The following TAF3 variants were observed in gnomAD, a reference collection of about 807,000 sequenced individuals.
TAF3 encodes transcription initiation factor TFIID subunit 3.
In TAF3, 7 loss-of-function variants were observed where a neutral mutation model predicts 80.6. That is an observed-to-expected ratio of 0.09 (90% CI 0.05 to 0.16). TAF3 has a LOEUF of 0.16. TAF3 is among the 10% of genes least tolerant of loss of function. TAF3 has a pLI of 1.00. For synonymous variants in TAF3, 444 were observed against 446.1 expected (o/e 1.00, Z 0.06); for missense variants, 921 against 1,140.2 (o/e 0.81, Z 2.77).
In TAF3 at chr10:8,014,918, C is replaced by T. The variant is rs2131444707; in HGVS notation, c.*167C>T. The T allele has an allele frequency of 5.3e-6, 3 of 568,318 alleles. No individual in the cohort carries two copies. The highest frequency in any genetic ancestry group is 4.4e-5 in the South Asian group (2 of 45,904). The allele number at this position is 568,318 out of a possible 1,614,324, so 35.2% of individuals were successfully genotyped here. ...ACACCGCGCACCTGGATTGTTCACT[C>T]CCGAGCCGCCTTGGCCTGTGGCTCC... On this transcript the variant is annotated 3_prime_UTR_variant, in exon 7 of 7. Transcript: ENST00000344293.
At chr10:7,999,189 C>T (rs1831918890) in intron 4 of TAF3, among the ~76,000 whole-genome samples, 1 of 152,122 alleles carries the variant, frequency 6.6e-6, no homozygotes, top group Non-Finnish European at 1.5e-5. Context: ...GAAGTGTTCT[C>T]ACTGCAGTAG....
At chr10:7,936,215 C>G (rs1837918987) in intron 2 of TAF3, among the ~76,000 whole-genome samples, 1 of 152,170 alleles carries the variant, frequency 6.6e-6, no homozygotes, top group Non-Finnish European at 1.5e-5. Flanking sequence ...ATGAAACAAG[C>G]ACAGTAACAA....
intron 4 of TAF3, among the ~76,000 whole-genome samples, chr10:7,987,614 T>A (rs78348394): frequency 0.015 from 2,311 of 152,324 alleles, 65 homozygotes; most frequent in African/African-American, 0.052. Context: ...TGCCAAATTA[T>A]CTTCTAAAAG....
intron 2 of TAF3, among the ~76,000 whole-genome samples, chr10:7,887,873 G>A (rs1837423433): frequency 6.6e-6 from 1 of 151,796 alleles, no homozygotes; most frequent in African/African-American, 2.4e-5. Flanking sequence ...AGCATTGGAA[G>A]CTTTTCTGAG....
chr10:7,889,783 G>C (rs538469067), intron 2 of TAF3, among the ~76,000 whole-genome samples: 4 of 152,090 alleles, frequency 2.6e-5, no homozygotes, highest in African/African-American at 9.7e-5. Context: ...AGCCTGGGTG[G>C]CCTCTTAATT....
At chr10:7,870,620 A>G (rs918821809) in intron 2 of TAF3, among the ~76,000 whole-genome samples, 14 of 152,224 alleles carry the variant, frequency 9.2e-5, no homozygotes, top group Non-Finnish European at 1.6e-4. Context: ...GTAACTTGTT[A>G]AACTTCTACA....
intron 2 of TAF3, among the ~76,000 whole-genome samples, chr10:7,910,546 A>G (rs1156494483): frequency 1.3e-5 from 2 of 151,972 alleles, no homozygotes; most frequent in East Asian, 1.9e-4. Flanking sequence ...ACGCCTGGCT[A>G]ATATTTGTAT....
Position 7,824,388 on chromosome 10 carries a change from A to G in TAF3, c.237A>G (p.Glu79=). The change falls in exon 2 of 7, where the codon GAA becomes GAG. Residue 79 remains glutamate (E), a synonymous_variant. Transcript: ENST00000344293. ...AFQLMGVSLH[E]LEDYIHNIEP... Reference sequence around the variant, plus strand: ...AGCTGATGGGGGTTAGTCTACATGAACTAGAAGACTATATTCACAACATTG... The same window carrying G: ...AGCTGATGGGGGTTAGTCTACATGAGCTAGAAGACTATATTCACAACATTG... The G allele has an allele frequency of 6.2e-7, 1 of 1,614,216 alleles. No homozygotes were observed. Among genetic ancestry groups the G allele is most frequent in the Non-Finnish European group, 8.5e-7 (1 of 1,180,022 alleles).
Position 7,849,626 on chromosome 10 carries a change from A to G in TAF3, c.409+25066A>G, listed in dbSNP as rs1225273566. ...CTTTCTGTTATTATGTATTGCCCCC[A>G]ATTATCATATATTAAAATTATAACA... On this transcript the variant is annotated intron_variant, in intron 2 of 6. Coordinates refer to ENST00000344293, the MANE Select transcript of TAF3 (RefSeq NM_031923.4). Among the ~76,000 whole-genome samples the G allele has an allele frequency of 2.6e-5, 4 of 151,898 alleles. No homozygotes were observed. In the South Asian group the frequency reaches 8.3e-4, roughly 32 times the overall value.
At chr10:7,904,038 T>C (rs1197574440) in intron 2 of TAF3, among the ~76,000 whole-genome samples, 1 of 152,112 alleles carries the variant, frequency 6.6e-6, no homozygotes, top group Admixed American at 6.5e-5. Flanking sequence ...CAGAGTCCAG[T>C]GTACTTGGAA....
In TAF3 at chr10:8,013,671, C is replaced by A. The variant is rs1003669783; in HGVS notation, c.2569-60C>A. ...TATAAAGTAATCATTCTGATCTGGCCTCTTTTTGTTTTTTTTCCCATTCCC... is the reference window on the plus strand; with the variant it reads ...TATAAAGTAATCATTCTGATCTGGCATCTTTTTGTTTTTTTTCCCATTCCC... On this transcript the variant is annotated intron_variant, in intron 5 of 6. Transcript: ENST00000344293. 9.4e-6 allele frequency: 13 copies of A among 1,377,424 alleles called. No homozygotes were observed. In the African/African-American group the frequency reaches 1.6e-4, roughly 17 times the overall value. The allele number at this position is 1,377,424 out of a possible 1,614,324, so 85.3% of individuals were successfully genotyped here.
At chr10:7,834,502 G>A (rs79930152) in intron 2 of TAF3, among the ~76,000 whole-genome samples, 1,603 of 151,610 alleles carry the variant, frequency 0.011, 25 homozygotes, top group African/African-American at 0.037. Context: ...TATATAACTC[G>A]GTTGTTCATT....
At chr10:7,989,866 G>T (rs1030627073) in intron 4 of TAF3, among the ~76,000 whole-genome samples, 1 of 152,010 alleles carries the variant, frequency 6.6e-6, no homozygotes, top group Admixed American at 6.5e-5. Flanking sequence ...AATGTTCCTG[G>T]TATATGTATG....
intron 3 of TAF3, 150 bp downstream of exon 3, chr10:7,965,892 T>A: frequency 2.4e-6 from 3 of 1,275,262 alleles, no homozygotes; most frequent in South Asian, 5.4e-5. Context: ...AAAATTTGAT[T>A]TTAATTCTAA....
chr10:7,823,976 T>C (rs1286334669), intron 1 of TAF3, among the ~76,000 whole-genome samples: 1 of 152,008 alleles, frequency 6.6e-6, no homozygotes, highest in African/African-American at 2.4e-5. Flanking sequence ...AACACTATTT[T>C]ATTATTATTA....
At chr10:7,869,665 C>G (rs1334138010) in intron 2 of TAF3, among the ~76,000 whole-genome samples, 1 of 152,118 alleles carries the variant, frequency 6.6e-6, no homozygotes. Context: ...TGATTGTCAC[C>G]TTTTTAAGCT....
At position 7,858,663 on chromosome 10, in the gene TAF3, T is replaced by G. The variant is rs555716741; in HGVS notation, c.409+34103T>G. 2.6e-5 allele frequency among the ~76,000 whole-genome samples: 4 copies of G among 152,302 alleles called. No homozygotes were observed. The South Asian group carries it at 6.2e-4, about 24-fold the overall frequency. On this transcript the variant is annotated intron_variant, in intron 2 of 6. Coordinates refer to ENST00000344293, the MANE Select transcript of TAF3 (RefSeq NM_031923.4). ...TATCTACTGTTAATGAGAACTTATT[T>G]TAGGATTGCAGTGAGTTTAATGTGT...
chr10:7,961,981 C>T (rs1831506364), intron 2 of TAF3, among the ~76,000 whole-genome samples: 1 of 152,094 alleles, frequency 6.6e-6, no homozygotes, highest in South Asian at 2.1e-4. Flanking sequence ...TCCCAGGTAG[C>T]TGGGACTACA....
chr10:7,822,734 A>C (rs1836702534), intron 1 of TAF3, among the ~76,000 whole-genome samples: 1 of 152,198 alleles, frequency 6.6e-6, no homozygotes, highest in Admixed American at 6.5e-5. Flanking sequence ...AAATTTCAGG[A>C]TTTCAGTTAA....
Sources: gnomAD v4.1 joint callset for allele counts (sites outside exome capture counted in the v4.1 genomes callset) on GRCh38, gnomAD v4.1.1 for gene constraint, MANE v1.5 for transcripts, NCBI Gene and HGNC (gene_info 2026-07-23, HGNC 2026-07-21) for gene names.